Variants in ARHGEF12 observed in about 807,000 individuals in gnomAD.
ARHGEF12 encodes KMT2A/ARHGEF12 fusion protein.
Under a neutral mutation model 211.2 loss-of-function variants are expected in ARHGEF12, and 66 were observed. The ratio of observed to expected loss-of-function variants is 0.31; its 90% CI spans 0.26 to 0.38. The LOEUF (loss-of-function observed/expected upper bound fraction) is 0.38, where lower values mean the gene tolerates loss of function less well. Among genes scored for constraint, ARHGEF12 ranks in the 10% least tolerant of loss-of-function variants. The pLI is 1.00. For missense variants in ARHGEF12, 1,429 were observed against 1,869.5 expected (o/e 0.76, Z 4.34); for synonymous variants, 592 against 638.4 (o/e 0.93, Z 1.09).
chr11:120,484,942 C>A, intron 40 of ARHGEF12, 125 bp from the exon 41 acceptor site: 3 of 981,050 alleles, frequency 3.1e-6, no homozygotes, highest in Non-Finnish European at 4.7e-6. Flanking sequence ...AGTTTATACT[C>A]ATCTGCTTAC....
At chr11:120,458,509 C>A in intron 25 of ARHGEF12, 2 of 322,284 alleles carry the variant, frequency 6.2e-6, no homozygotes. Context: ...ATTGCAACAA[C>A]TAAGTTATTT....
In ARHGEF12 at chr11:120,453,717, C is replaced by G. The variant is rs188358260; in HGVS notation, c.2056+1993C>G. Among the ~76,000 whole-genome samples, 343 of 152,194 alleles carry G rather than the reference C, an allele frequency of 2.3e-3. 1 individual carries two copies. The highest frequency in any genetic ancestry group is 0.014 in the Middle Eastern group (4 of 294). On this transcript the variant is annotated intron_variant, in intron 22 of 40. Coordinates refer to ENST00000397843, the MANE Select transcript of ARHGEF12 (RefSeq NM_015313.3). ...TGGATGACAGAATGAGACCCTATCT[C>G]AAGAAAAACAACAACAGAGAACCAC...
intron 15 of ARHGEF12, among the ~76,000 whole-genome samples, chr11:120,443,814 A>G (rs1285940412): frequency 6.6e-6 from 1 of 152,234 alleles, no homozygotes; most frequent in East Asian, 1.9e-4. Flanking sequence ...AAATGAAACA[A>G]TTTTTTAAAA....
chr11:120,479,790 G>C (rs913048799), intron 37 of ARHGEF12, among the ~76,000 whole-genome samples, 170 bp from the exon 38 acceptor site: 9 of 152,162 alleles, frequency 5.9e-5, no homozygotes, highest in Admixed American at 3.9e-4. Context: ...AATGGAAAAT[G>C]ATTGTATGAA....
At chr11:120,402,517 TTGAC>T (rs1050686161) in intron 1 of ARHGEF12, among the ~76,000 whole-genome samples, 3 of 152,186 alleles carry the variant, frequency 2.0e-5, no homozygotes, top group African/African-American at 7.2e-5. Flanking sequence ...GTAACATTCT[TTGAC>T]TGCTAATAAA....
intron 5 of ARHGEF12, among the ~76,000 whole-genome samples, chr11:120,421,337 TTAGAG>T (rs1945179172): frequency 6.6e-6 from 1 of 152,028 alleles, no homozygotes; most frequent in African/African-American, 2.4e-5. Flanking sequence ...ATATTGAGGC[TTAGAG>T]TAAAGAAACA....
At chr11:120,353,086 AT>A (rs1943032375) in intron 1 of ARHGEF12, among the ~76,000 whole-genome samples, 1 of 152,148 alleles carries the variant, frequency 6.6e-6, no homozygotes, top group South Asian at 2.1e-4. Context: ...TAATCTCATG[AT>A]TTCAGGTTGA....
intron 1 of ARHGEF12, among the ~76,000 whole-genome samples, chr11:120,344,265 C>CA (rs71473103): frequency 0.034 from 1,781 of 53,012 alleles, 324 homozygotes; most frequent in East Asian, 0.1. Context: ...GACTCCGTCT[C>CA]AAAAAAAAAA....
chr11:120,484,073 CCAT>C (rs1478748836), intron 39 of ARHGEF12, among the ~76,000 whole-genome samples: 7 of 152,170 alleles, frequency 4.6e-5, no homozygotes, highest in African/African-American at 1.4e-4. Flanking sequence ...TCTTAAGGGA[CCAT>C]CATCATGTAT....
At chr11:120,433,859 G>A (rs1403284161) in intron 11 of ARHGEF12, among the ~76,000 whole-genome samples, 1 of 152,150 alleles carries the variant, frequency 6.6e-6, no homozygotes, top group East Asian at 1.9e-4. Context: ...TGCAGAGTCT[G>A]AGGCAGGAGA....
In ARHGEF12 at chr11:120,450,249, G is replaced by A. The variant is rs79785036; in HGVS notation, c.1843+1035G>A. On this transcript the variant is annotated intron_variant, in intron 21 of 40. Coordinates refer to ENST00000397843, the MANE Select transcript of ARHGEF12 (RefSeq NM_015313.3). ...ATAAGCTGTGTATCATGGTGCATGT[G>A]TGTAGTCTGAGCTACCTGGGAGGCT... 932 of 151,780 alleles carry A rather than the reference G, an allele frequency of 6.1e-3. 7 individuals carry two copies. The highest frequency in any genetic ancestry group is 0.01 in the Non-Finnish European group (693 of 68,048). 9.4% of individuals were successfully genotyped at this position (151,780 alleles called of 1,614,324 possible). A position where few individuals can be genotyped will look rare whatever the true frequency, so the allele number is the denominator to read the frequency against.
At chr11:120,423,047 A>G (rs1358729886) in intron 6 of ARHGEF12, among the ~76,000 whole-genome samples, 1 of 152,200 alleles carries the variant, frequency 6.6e-6, no homozygotes, top group Non-Finnish European at 1.5e-5. Context: ...TTTAAAGAAC[A>G]CTTTTAAATT....
chr11:120,434,006 A>T (rs1186584644), intron 11 of ARHGEF12, among the ~76,000 whole-genome samples: 1 of 152,174 alleles, frequency 6.6e-6, no homozygotes, highest in African/African-American at 2.4e-5. Context: ...AGAAATAGGC[A>T]TTCCAATCAA....
intron 1 of ARHGEF12, among the ~76,000 whole-genome samples, chr11:120,402,313 C>T (rs1030622009): frequency 4.6e-5 from 7 of 152,074 alleles, no homozygotes; most frequent in African/African-American, 1.7e-4. Flanking sequence ...GATGGTTGAG[C>T]CTTAAAATTA....
At chr11:120,420,726 T>G (rs1301723767) in intron 4 of ARHGEF12, 27 bp from the exon 5 acceptor site, 1 of 1,582,578 alleles carries the variant, frequency 6.3e-7, no homozygotes, top group Admixed American at 1.7e-5. Flanking sequence ...CTCTTCCTTC[T>G]TGTTTTACAC....
intron 1 of ARHGEF12, among the ~76,000 whole-genome samples, chr11:120,338,371 A>G (rs904693334): frequency 1.3e-5 from 2 of 152,246 alleles, no homozygotes; most frequent in African/African-American, 4.8e-5. Flanking sequence ...TGTTGATTTT[A>G]AAAGGGCCAA....
chr11:120,402,346 A>G (rs1283958725), intron 1 of ARHGEF12, among the ~76,000 whole-genome samples: 2 of 152,156 alleles, frequency 1.3e-5, no homozygotes, highest in Non-Finnish European at 2.9e-5. Flanking sequence ...TCTGATTTGC[A>G]ATTCTTTGTC....
At chr11:120,376,429 A>G (rs1943725566) in intron 1 of ARHGEF12, among the ~76,000 whole-genome samples, 1 of 152,196 alleles carries the variant, frequency 6.6e-6, no homozygotes, top group Admixed American at 6.5e-5. Context: ...TAAATTCTAG[A>G]CACTGAGACT....
At position 120,383,057 on chromosome 11, in the gene ARHGEF12, C is replaced by T. The variant is rs144369392; in HGVS notation, c.33-23061C>T. Reference sequence around the variant, plus strand: ...GGGAGGCTGAGGCAGGGGAATGGCGCGAACCCAGGAGGCGGAGCTTGCAGT... The same window carrying T: ...GGGAGGCTGAGGCAGGGGAATGGCGTGAACCCAGGAGGCGGAGCTTGCAGT... On this transcript the variant is annotated intron_variant, in intron 1 of 40. Coordinates refer to ENST00000397843, the MANE Select transcript of ARHGEF12 (RefSeq NM_015313.3). 1.9e-3 allele frequency among the ~76,000 whole-genome samples: 293 copies of T among 152,000 alleles called. 4 individuals carry two copies. In the East Asian group the frequency reaches 0.036, roughly 19 times the overall value.
Sources: gnomAD v4.1 joint callset for allele counts (sites outside exome capture counted in the v4.1 genomes callset) on GRCh38, gnomAD v4.1.1 for gene constraint, MANE v1.5 for transcripts, NCBI Gene and HGNC (gene_info 2026-07-23, HGNC 2026-07-21) for gene names.